TECTA: variants seen among roughly 807,000 people sequenced by gnomAD.
TECTA encodes the protein alpha-tectorin.
A neutral mutation model predicts 216.8 loss-of-function variants in TECTA; 128 were observed. The observed-to-expected ratio is 0.59, with a 90% confidence interval of 0.51 to 0.68. TECTA has a LOEUF of 0.68. Among genes scored for constraint, TECTA ranks in the 30% least tolerant of loss-of-function variants. TECTA has a pLI of 0.00. For synonymous variants in TECTA, 1,089 were observed against 1,117.1 expected (o/e 0.97, Z 0.50); for missense variants, 2,551 against 2,786.2 (o/e 0.92, Z 1.90).
chr11:121,103,274 G>A (rs1239058250), intron 2 of TECTA, among the ~76,000 whole-genome samples: 1 of 152,116 alleles, frequency 6.6e-6, no homozygotes, highest in Admixed American at 6.5e-5. Context: ...TAAGTGAAAG[G>A]CCACATATGT....
rs727505218 is a variant in TECTA at position 121,158,045 on chromosome 11, C to T, written c.4510C>T (p.Arg1504Cys). ...VFRTFDGAFL[R>C]FPANCAFVLS... ...CCGCACCTTCGACGGCGCCTTCCTG[C>T]GCTTCCCAGCCAACTGCGCCTTCGT... Residue 1504 changes from arginine to cysteine, a missense_variant, in exon 14 of 24, where the codon CGC (arginine) becomes TGC (cysteine). Physicochemically the swap from Arg to Cys is radical, Grantham distance 180 (BLOSUM62 -3). This residue lies in a region of TECTA where 2,375 missense variants were observed against 2,563.9 expected (regional missense o/e 0.93). Coordinates refer to ENST00000392793, the MANE Select transcript of TECTA (RefSeq NM_005422.4). The T allele has an allele frequency of 5.3e-5, 85 of 1,613,226 alleles. No homozygotes were observed. The highest frequency in any genetic ancestry group is 6.7e-5 in the Non-Finnish European group (79 of 1,179,972).
chr11:121,146,359 G>C, intron 12 of TECTA: 1 of 569,432 alleles, frequency 1.8e-6, no homozygotes, highest in South Asian at 2.0e-5. Context: ...GATGAAATAA[G>C]ATCATGCATA....
intron 7 of TECTA, among the ~76,000 whole-genome samples, chr11:121,124,846 A>C (rs888040988): frequency 6.6e-6 from 1 of 152,236 alleles, no homozygotes; most frequent in Non-Finnish European, 1.5e-5. Flanking sequence ...TGGACCCAGC[A>C]CACACTCGAG....
In TECTA at chr11:121,117,038, G is replaced by A. The variant is rs563617318; in HGVS notation, c.791-1268G>A. ...GGCAGATAGAGTCAAGACTGTTACT[G>A]ATACACCCGCACCCTCAACTTGGGT... On this transcript the variant is annotated intron_variant, in intron 6 of 23. Transcript: ENST00000392793. Among the ~76,000 whole-genome samples, 6 of 152,332 alleles carry A rather than the reference G, an allele frequency of 3.9e-5. No homozygotes were observed. The South Asian group carries it at 8.3e-4, about 21-fold the overall frequency.
intron 16 of TECTA, among the ~76,000 whole-genome samples, chr11:121,164,285 C>T (rs1947029568): frequency 6.6e-6 from 1 of 152,040 alleles, no homozygotes; most frequent in African/African-American, 2.4e-5. Flanking sequence ...GAATTTATTC[C>T]TCTTGTCTAA....
intron 12 of TECTA, among the ~76,000 whole-genome samples, chr11:121,151,512 C>A (rs1224275915): frequency 6.6e-6 from 1 of 152,160 alleles, no homozygotes. Context: ...AAATAATGGA[C>A]AAGGCATACA....
chr11:121,138,860 C>T (rs932799045), intron 11 of TECTA, among the ~76,000 whole-genome samples: 37 of 152,232 alleles, frequency 2.4e-4, no homozygotes, highest in Non-Finnish European at 7.3e-5. Context: ...ATTTAGGGTG[C>T]TTGCCTTCTT....
At chr11:121,133,928 G>A (rs1477807347) in intron 10 of TECTA, among the ~76,000 whole-genome samples, 2 of 152,156 alleles carry the variant, frequency 1.3e-5, no homozygotes, top group African/African-American at 4.8e-5. Context: ...CAGTCTATCT[G>A]TCTGTCTATC....
intron 11 of TECTA, among the ~76,000 whole-genome samples, chr11:121,139,575 C>T (rs1339097250): frequency 6.6e-6 from 1 of 152,082 alleles, no homozygotes; most frequent in Admixed American, 6.5e-5. Context: ...CCTGTAATCC[C>T]AGCTACTAGG....
chr11:121,124,518 C>T (rs1217823924), intron 7 of TECTA, among the ~76,000 whole-genome samples: 1 of 152,220 alleles, frequency 6.6e-6, no homozygotes, highest in Non-Finnish European at 1.5e-5. Context: ...TTATGTGATT[C>T]CCCTATGCTG....
At chr11:121,153,654 C>A (rs1284065396) in intron 13 of TECTA, among the ~76,000 whole-genome samples, 1 of 152,150 alleles carries the variant, frequency 6.6e-6, no homozygotes, top group Non-Finnish European at 1.5e-5. Context: ...GTGGTGCCCC[C>A]ACATCCCACC....
intron 10 of TECTA, among the ~76,000 whole-genome samples, chr11:121,136,151 G>A (rs1402774426): frequency 1.1e-4 from 16 of 152,004 alleles, no homozygotes; most frequent in Admixed American, 5.2e-4. Context: ...TAGTAGAGAT[G>A]GGGTTTCACC....
intron 20 of TECTA, among the ~76,000 whole-genome samples, 173 bp downstream of exon 20, chr11:121,169,098 G>A (rs551607613): frequency 6.6e-6 from 1 of 152,226 alleles, no homozygotes; most frequent in Admixed American, 6.5e-5. Flanking sequence ...GATATTATAG[G>A]CCTCATTTTA....
chr11:121,137,312 AC>A (rs1383578905), intron 10 of TECTA, 108 bp from the exon 11 acceptor site: 5 of 1,380,278 alleles, frequency 3.6e-6, no homozygotes, highest in Non-Finnish European at 5.1e-6. Flanking sequence ...GCACACACGC[AC>A]ATGCACTCAC....
chr11:121,175,331 G>T (rs1395580695), intron 20 of TECTA, among the ~76,000 whole-genome samples: 1 of 151,836 alleles, frequency 6.6e-6, no homozygotes, highest in Non-Finnish European at 1.5e-5. Context: ...TGGGCATTTA[G>T]TGCTATAAAT....
Position 121,105,793 on chromosome 11 carries a change from G to T in TECTA, c.65-38G>T. 6.2e-7 allele frequency: 1 copy of T among 1,613,556 alleles called. No individual in the cohort carries two copies. Among genetic ancestry groups the T allele is most frequent in the South Asian group, 1.1e-5 (1 of 91,046 alleles). On this transcript the variant is annotated intron_variant, in intron 2 of 23. Coordinates refer to ENST00000392793, the MANE Select transcript of TECTA (RefSeq NM_005422.4). The surrounding 1 kb of genome is among the most constrained non-coding windows in gnomAD (Gnocchi z 5.3). ...AGATGTAGATTGCCAAACGGCAGAG[G>T]GAGCTGCCATCTATCTAACCATCAT...
At position 121,113,901 on chromosome 11, in the gene TECTA, G is replaced by A. The variant is rs1946470654; in HGVS notation, c.790+183G>A. Among the ~76,000 whole-genome samples the A allele has an allele frequency of 6.6e-6, 1 of 152,170 alleles. No homozygotes were observed. Among genetic ancestry groups the A allele is most frequent in the African/African-American group, 2.4e-5 (1 of 41,440 alleles). ...TCATCACATCAGAAGCTAAAACACT[G>A]CATTCACTACCTTGTGGCTTTGGAA... On this transcript the variant is annotated intron_variant, in intron 6 of 23. Coordinates refer to ENST00000392793, the MANE Select transcript of TECTA (RefSeq NM_005422.4). This position sits in a 1 kb window ranked among gnomAD's most constrained non-coding sequence, Gnocchi z 4.2.
chr11:121,160,516 T>A (rs1289491590), intron 15 of TECTA, 95 bp downstream of exon 15: 3 of 1,524,928 alleles, frequency 2.0e-6, no homozygotes, highest in Non-Finnish European at 2.7e-6. Context: ...TCCTTAGCAC[T>A]GCCCCTGCTC....
chr11:121,186,452 C>T (rs1371594745), intron 20 of TECTA, among the ~76,000 whole-genome samples: 1 of 152,216 alleles, frequency 6.6e-6, no homozygotes, highest in Non-Finnish European at 1.5e-5. Flanking sequence ...CTCTCTATGC[C>T]CTTTCCTTCA....
Sources: allele counts gnomAD v4.1 joint callset (sites outside exome capture counted in the v4.1 genomes callset), GRCh38; gene constraint gnomAD v4.1.1; regional missense constraint gnomAD v4.1.1; non-coding constraint Gnocchi (gnomAD v3.1); transcripts MANE v1.5; gene names NCBI Gene and HGNC (gene_info 2026-07-23, HGNC 2026-07-21).